Variants in PIGU observed in about 807,000 individuals in gnomAD.
PIGU encodes phosphatidylinositol glycan anchor biosynthesis class U.
PIGU carries 24 observed loss-of-function variants against 49.9 expected under a neutral mutation model. The observed-to-expected ratio is 0.48, with a 90% confidence interval of 0.35 to 0.68. The LOEUF (loss-of-function observed/expected upper bound fraction) is 0.68. Among genes scored for constraint, PIGU ranks in the 30% least tolerant of loss-of-function variants. The pLI is 0.01. For missense variants in PIGU, 490 were observed against 532.6 expected, an observed-to-expected ratio of 0.92 and a Z score of 0.79; for synonymous variants, 220 against 205.7, an observed-to-expected ratio of 1.07 and a Z score of -0.59.
At chr20:34,608,231 T>A (rs1234859427) in intron 7 of PIGU, among the ~76,000 whole-genome samples, 2 of 152,040 alleles carry the variant, frequency 1.3e-5, no homozygotes, top group African/African-American at 4.8e-5. Flanking sequence ...CCCACCACCA[T>A]GCCTGGCTCA....
At chr20:34,654,055 C>T (rs531831402) in intron 2 of PIGU, among the ~76,000 whole-genome samples, 4 of 123,700 alleles carry the variant, frequency 3.2e-5, no homozygotes, top group Non-Finnish European at 7.0e-5. Context: ...GACGGGGTTT[C>T]GCCATATTGG....
chr20:34,624,028 C>T (rs1326180612), intron 6 of PIGU, among the ~76,000 whole-genome samples: 1 of 152,114 alleles, frequency 6.6e-6, no homozygotes, highest in Non-Finnish European at 1.5e-5. Context: ...TTGAAACCTC[C>T]CAGGTCTCCC....
chr20:34,674,142 G>C (rs973665804), intron 1 of PIGU, among the ~76,000 whole-genome samples: 1 of 151,972 alleles, frequency 6.6e-6, no homozygotes, highest in Non-Finnish European at 1.5e-5. Context: ...GCTCACCTGA[G>C]GTCAGGAGTT....
At chr20:34,611,436 G>A (rs1260912945) in intron 7 of PIGU, among the ~76,000 whole-genome samples, 1 of 151,894 alleles carries the variant, frequency 6.6e-6, no homozygotes, top group Non-Finnish European at 1.5e-5. Context: ...CATGAGGTCA[G>A]GAGATTGAGA....
intron 7 of PIGU, among the ~76,000 whole-genome samples, chr20:34,589,812 C>T (rs555891722): frequency 6.6e-6 from 1 of 151,634 alleles, no homozygotes; most frequent in Non-Finnish European, 1.5e-5. Flanking sequence ...CCTGCCACCA[C>T]GCCCAGCTAA....
intron 6 of PIGU, among the ~76,000 whole-genome samples, chr20:34,631,386 A>G (rs934873823): frequency 1.6e-4 from 24 of 152,090 alleles, no homozygotes; most frequent in African/African-American, 5.8e-4. Context: ...CAGAGGTAGA[A>G]TTTGGAAAAG....
rs538085387 is a variant in PIGU at position 34,600,177 on chromosome 20, C to T, written c.628-11570G>A. ...ATTCCAGCACTTTGGGAGGCCGAGG[C>T]GGGCGGGTCACTTGAGGTCAGAAGT... On this transcript the variant is annotated intron_variant, in intron 7 of 11. Transcript: ENST00000217446. 1.8e-4 allele frequency among the ~76,000 whole-genome samples: 28 copies of T among 152,248 alleles called. 1 individual carries two copies. Among genetic ancestry groups the T allele is most frequent in the African/African-American group, 6.5e-4 (27 of 41,556 alleles).
intron 4 of PIGU, among the ~76,000 whole-genome samples, chr20:34,639,077 T>A (rs1986064264): frequency 6.6e-6 from 1 of 152,100 alleles, no homozygotes; most frequent in Admixed American, 6.5e-5. Context: ...ATTGTGACAT[T>A]TATATGAAGT....
chr20:34,652,583 A>G (rs1986574736), intron 2 of PIGU, among the ~76,000 whole-genome samples: 1 of 152,216 alleles, frequency 6.6e-6, no homozygotes, highest in Admixed American at 6.5e-5. Context: ...CTTTTCTAAT[A>G]TAAGCATTTG....
intron 11 of PIGU, among the ~76,000 whole-genome samples, chr20:34,571,720 T>C (rs1188144184): frequency 1.3e-5 from 2 of 152,172 alleles, no homozygotes; most frequent in African/African-American, 4.8e-5. Context: ...GGGGACCTCA[T>C]GAAAGGTCTC....
At chr20:34,627,151 G>A (rs987263678) in intron 6 of PIGU, among the ~76,000 whole-genome samples, 2 of 152,106 alleles carry the variant, frequency 1.3e-5, no homozygotes, top group African/African-American at 4.8e-5. Flanking sequence ...GAAAACAAAT[G>A]TCCAACAAAA....
chr20:34,630,667 T>A (rs939836695), intron 6 of PIGU, among the ~76,000 whole-genome samples: 16 of 152,202 alleles, frequency 1.1e-4, no homozygotes, highest in East Asian at 7.7e-4. Context: ...TATTATTATT[T>A]TTTTTACAGA....
At chr20:34,651,709 G>A (rs573743294) in intron 2 of PIGU, among the ~76,000 whole-genome samples, 6 of 152,276 alleles carry the variant, frequency 3.9e-5, no homozygotes, top group African/African-American at 7.2e-5. Flanking sequence ...CCATATGCAT[G>A]AATGTGTCCT....
chr20:34,666,523 TTA>T (rs1987100008), intron 1 of PIGU, among the ~76,000 whole-genome samples: 1 of 150,890 alleles, frequency 6.6e-6, no homozygotes, highest in Non-Finnish European at 1.5e-5. Flanking sequence ...ATTTAATTAA[TTA>T]ATTTATTTAT....
At chr20:34,658,478 T>G (rs1446699437) in intron 1 of PIGU, among the ~76,000 whole-genome samples, 1 of 151,344 alleles carries the variant, frequency 6.6e-6, no homozygotes, top group Non-Finnish European at 1.5e-5. Flanking sequence ...GAGGAGCCCC[T>G]CTGCCTGGCT....
chr20:34,628,204 T>C (rs1195880308), intron 6 of PIGU, among the ~76,000 whole-genome samples: 2 of 152,080 alleles, frequency 1.3e-5, no homozygotes, highest in Admixed American at 6.6e-5. Flanking sequence ...GAAATCTGAC[T>C]GGGTGTGGTG....
At chr20:34,664,423 G>T (rs1280896307) in intron 1 of PIGU, among the ~76,000 whole-genome samples, 1 of 152,226 alleles carries the variant, frequency 6.6e-6, no homozygotes, top group Non-Finnish European at 1.5e-5. Context: ...AGTTGACCGG[G>T]CACAGTGGCT....
chr20:34,647,383 T>G (rs1986386726), intron 2 of PIGU, among the ~76,000 whole-genome samples: 1 of 151,790 alleles, frequency 6.6e-6, no homozygotes, highest in Admixed American at 6.6e-5. Flanking sequence ...TGCCTCAGCC[T>G]CCCAAGTAGC....
intron 8 of PIGU, 125 bp downstream of exon 8, chr20:34,588,328 G>T (rs1157289621): frequency 3.6e-6 from 3 of 834,158 alleles, no homozygotes; most frequent in African/African-American, 3.5e-5. Context: ...TCTATTTTTA[G>T]TTGTTTGAGG....
Sources: gnomAD v4.1 joint callset for allele counts (sites outside exome capture counted in the v4.1 genomes callset) on GRCh38, gnomAD v4.1.1 for gene constraint, MANE v1.5 for transcripts, NCBI Gene and HGNC (gene_info 2026-07-23, HGNC 2026-07-21) for gene names.